ZFPM1: variants seen among roughly 807,000 people sequenced by gnomAD.
ZFPM1 encodes the protein zinc finger protein, FOG family member 1, also known as zinc finger protein ZFPM1.
Under a neutral mutation model 46.3 loss-of-function variants are expected in ZFPM1, and 28 were observed. The observed-to-expected ratio is 0.60, with a 90% confidence interval of 0.45 to 0.83. The LOEUF (loss-of-function observed/expected upper bound fraction) is 0.83. ZFPM1 is among the 40% of genes least tolerant of loss of function. The pLI is 0.00. For synonymous variants in ZFPM1, 957 were observed against 675.9 expected, an observed-to-expected ratio of 1.42 and a Z score of -6.45; for missense variants, 1,878 against 1,432.4, an observed-to-expected ratio of 1.31 and a Z score of -5.02.
At chr16:88,479,706 C>A (rs1163489771) in intron 1 of ZFPM1, among the ~76,000 whole-genome samples, 2 of 150,240 alleles carry the variant, frequency 1.3e-5, no homozygotes, top group Non-Finnish European at 3.0e-5. Context: ...CCCCCCCCCA[C>A]CCACCTGCTA....
chr16:88,455,100 T>A (rs1907476982), intron 1 of ZFPM1, among the ~76,000 whole-genome samples: 1 of 151,906 alleles, frequency 6.6e-6, no homozygotes, highest in Non-Finnish European at 1.5e-5. Flanking sequence ...TTCTTTTTCC[T>A]TCCTTCCCTG....
rs1850019989 is a variant in ZFPM1 at position 88,480,775 on chromosome 16, T to G, written c.41-5164T>G. Among the ~76,000 whole-genome samples, 1 of 152,144 alleles carries G rather than the reference T, an allele frequency of 6.6e-6. No individual in the cohort carries two copies. Among genetic ancestry groups the G allele is most frequent in the Non-Finnish European group, 1.5e-5 (1 of 68,004 alleles). On this transcript the variant is annotated intron_variant, in intron 1 of 9. Transcript: ENST00000319555. The surrounding 1 kb of genome is among the most constrained non-coding windows in gnomAD (Gnocchi z 4.9). ...AGACTCCTCATCCACAGCCCCCATC[T>G]GCGCCCCACCTGGCATGTCCACCCT...
rs187504073 is a variant in ZFPM1, at chr16:88,485,306, G to A, written c.41-633G>A. Among the ~76,000 whole-genome samples the A allele has an allele frequency of 2.7e-4, 41 of 152,304 alleles. No homozygotes were observed. The East Asian group carries it at 6.0e-3, about 22-fold the overall frequency. On this transcript the variant is annotated intron_variant, in intron 1 of 9. Coordinates refer to ENST00000319555, the MANE Select transcript of ZFPM1 (RefSeq NM_153813.3). ...GGTGGGAAAGAGACACGGGGTCCGC[G>A]GCCCTTCTCTGGCAAGAGTGGAATC...
chr16:88,488,183 G>A (rs913238294), intron 2 of ZFPM1, among the ~76,000 whole-genome samples: 20 of 152,292 alleles, frequency 1.3e-4, no homozygotes, highest in Admixed American at 4.6e-4. Flanking sequence ...GCTGCAGGGC[G>A]CCCTGATGGA....
At chr16:88,454,877 C>T in intron 1 of ZFPM1, among the ~76,000 whole-genome samples, 1 of 152,206 alleles carries the variant, frequency 6.6e-6, no homozygotes, top group Non-Finnish European at 1.5e-5. Flanking sequence ...CCTTTGTCCA[C>T]ACGACCACTG....
Position 88,471,928 on chromosome 16 carries a change from G to C in ZFPM1, c.41-14011G>C, listed in dbSNP as rs1051102894. On this transcript the variant is annotated intron_variant, in intron 1 of 9. Coordinates refer to ENST00000319555, the MANE Select transcript of ZFPM1 (RefSeq NM_153813.3). This position sits in a 1 kb window ranked among gnomAD's most constrained non-coding sequence, Gnocchi z 4.1. ...GACCTGCAGGTCCGCAAGAGCCTTGGGTGGGCCGGGGCAGGGGCCGTGTGG... is the reference window on the plus strand; with the variant it reads ...GACCTGCAGGTCCGCAAGAGCCTTGCGTGGGCCGGGGCAGGGGCCGTGTGG... Among the ~76,000 whole-genome samples, 1 of 152,368 alleles carries C rather than the reference G, an allele frequency of 6.6e-6. No homozygotes were observed. The highest frequency in any genetic ancestry group is 1.5e-5 in the Non-Finnish European group (1 of 68,032).
chr16:88,456,377 A>C (rs528377108), intron 1 of ZFPM1, among the ~76,000 whole-genome samples: 1 of 151,338 alleles, frequency 6.6e-6, no homozygotes, highest in Non-Finnish European at 1.5e-5. Context: ...CCAAGTGTAC[A>C]CTGCTTGGAG....
intron 6 of ZFPM1, 122 bp downstream of exon 6, chr16:88,528,360 G>C (rs890509600): frequency 8.7e-7 from 1 of 1,146,060 alleles, no homozygotes; most frequent in Non-Finnish European, 1.2e-6. Flanking sequence ...CAGAGTGAGA[G>C]GTAAGGCAGG....
chr16:88,526,783 C>A (rs1381012659), intron 4 of ZFPM1, 31 bp from the exon 5 acceptor site: 2 of 1,522,044 alleles, frequency 1.3e-6, no homozygotes, highest in African/African-American at 1.5e-5. Flanking sequence ...TGACGGACCC[C>A]TCCCCACGTG....
At chr16:88,482,851 G>T (rs1244452771) in intron 1 of ZFPM1, among the ~76,000 whole-genome samples, 1 of 152,214 alleles carries the variant, frequency 6.6e-6, no homozygotes, top group African/African-American at 2.4e-5. Context: ...ATCGTTCCGC[G>T]TGCTCCCGCC....
rs566110782 is a variant in ZFPM1, at chr16:88,480,888, G to A, written c.41-5051G>A. Among the ~76,000 whole-genome samples, 22 of 152,342 alleles carry A rather than the reference G, an allele frequency of 1.4e-4. No individual in the cohort carries two copies. The highest frequency in any genetic ancestry group is 2.2e-4 in the African/African-American group (9 of 41,588). ...CAGTCGTTCAAAGGAGCCCCCCAGC[G>A]CCTCGCCATCAAAGCCGGGAGGGGC... is the stretch of plus-strand genomic sequence containing the variant. On this transcript the variant is annotated intron_variant, in intron 1 of 9. Transcript: ENST00000319555. This position sits in a 1 kb window ranked among gnomAD's most constrained non-coding sequence, Gnocchi z 4.9.
chr16:88,528,857 C>T (rs1426578105), intron 6 of ZFPM1, among the ~76,000 whole-genome samples: 1 of 152,350 alleles, frequency 6.6e-6, no homozygotes, highest in Admixed American at 6.5e-5. Context: ...GCACACGCCA[C>T]CAAAATCTCT....
At chr16:88,529,714 G>A (rs1418642710) in intron 6 of ZFPM1, among the ~76,000 whole-genome samples, 1 of 152,202 alleles carries the variant, frequency 6.6e-6, no homozygotes, top group Non-Finnish European at 1.5e-5. Context: ...CCAGGCTGTG[G>A]CGAGACCAAC....
In ZFPM1 at chr16:88,525,793, C is replaced by A. The variant is rs148780670; in HGVS notation, c.403-1021C>A. Among the ~76,000 whole-genome samples, 384 of 152,356 alleles carry A rather than the reference C, an allele frequency of 2.5e-3. 2 individuals are homozygous for A. Among genetic ancestry groups the A allele is most frequent in the African/African-American group, 8.8e-3 (367 of 41,588 alleles). On this transcript the variant is annotated intron_variant, in intron 4 of 9. Coordinates refer to ENST00000319555, the MANE Select transcript of ZFPM1 (RefSeq NM_153813.3). ...CCCGCCCCACCTCGCCCTGTCCCAG[C>A]CCCCGACTGCACTGGGATGGGGCCC...
intron 3 of ZFPM1, among the ~76,000 whole-genome samples, chr16:88,490,393 C>T (rs887842942): frequency 1.3e-5 from 2 of 152,252 alleles, no homozygotes; most frequent in African/African-American, 2.4e-5. Flanking sequence ...AGGCATATAG[C>T]CGGGAGCAGA....
intron 3 of ZFPM1, among the ~76,000 whole-genome samples, chr16:88,510,707 G>A (rs1243275217): frequency 6.6e-6 from 1 of 152,164 alleles, no homozygotes; most frequent in Non-Finnish European, 1.5e-5. Flanking sequence ...TGAGGTCAGA[G>A]CAGGAAGAGT....
chr16:88,535,062 G>C lies in ZFPM1; in HGVS notation c.*83G>C. On this transcript the variant is annotated 3_prime_UTR_variant, in exon 10 of 10. Transcript: ENST00000319555. ...CCGCCCCCAGGCCGCACGGACTGCCGCTCCTGGGAACCCCGCCACGCACAG... is the reference window on the plus strand; with the variant it reads ...CCGCCCCCAGGCCGCACGGACTGCCCCTCCTGGGAACCCCGCCACGCACAG... 1 of 1,334,562 alleles carries C rather than the reference G, an allele frequency of 7.5e-7. No individual in the cohort carries two copies. Among genetic ancestry groups the C allele is most frequent in the Non-Finnish European group, 9.6e-7 (1 of 1,036,500 alleles). The allele number at this position is 1,334,562 out of a possible 1,614,324, so 82.7% of individuals were successfully genotyped here.
At chr16:88,525,440 G>A (rs965333291) in intron 4 of ZFPM1, among the ~76,000 whole-genome samples, 4 of 152,260 alleles carry the variant, frequency 2.6e-5, no homozygotes, top group African/African-American at 9.6e-5. Flanking sequence ...GCATTTGTAG[G>A]TGACACTGGC....
Position 88,534,477 on chromosome 16 carries a change from G to T in ZFPM1, c.2519G>T (p.Cys840Phe). ...TACCTGGCGCACAAGAAGTACTCGT[G>T]CCCCGCTGCGCCACCGCCCGGCGCG... Reference protein sequence around the residue: ...EAYLAHKKYSCPAAPPPGALG... With the variant: ...EAYLAHKKYSFPAAPPPGALG... The change falls in exon 10 of 10, where the codon TGC becomes TTC. Residue 840 changes from cysteine to phenylalanine, a missense_variant. Transcript: ENST00000319555. 6.8e-7 allele frequency: 1 copy of T among 1,480,820 alleles called. No individual in the cohort carries two copies. The highest frequency in any genetic ancestry group is 8.9e-7 in the Non-Finnish European group (1 of 1,121,876). 91.7% of individuals were successfully genotyped at this position (1,480,820 alleles called of 1,614,324 possible). A position where few individuals can be genotyped will look rare whatever the true frequency, so the allele number is the denominator to read the frequency against.
Sources: allele counts gnomAD v4.1 joint callset (sites outside exome capture counted in the v4.1 genomes callset), GRCh38; gene constraint gnomAD v4.1.1; non-coding constraint Gnocchi (gnomAD v3.1); transcripts MANE v1.5; gene names NCBI Gene and HGNC (gene_info 2026-07-23, HGNC 2026-07-21).